Variants in GK observed in about 807,000 individuals in gnomAD.
The protein encoded by GK is ATP:glycerol 3-phosphotransferase.
In GK, 9 loss-of-function variants were observed where a neutral mutation model predicts 56.4. The ratio of observed to expected loss-of-function variants is 0.16; its 90% CI spans 0.10 to 0.28. The LOEUF (loss-of-function observed/expected upper bound fraction) is 0.28. GK is among the 10% of genes least tolerant of loss of function. The pLI is 1.00. For missense variants in GK, 161 were observed against 431.4 expected, an observed-to-expected ratio of 0.37 and a Z score of 5.55; for synonymous variants, 104 against 144.1, an observed-to-expected ratio of 0.72 and a Z score of 1.99.
At chrX:30,672,107 C>T (rs1226613786) in intron 3 of GK, 1 of 87,522 alleles carries the variant, frequency 1.1e-5, no homozygotes, top group African/African-American at 4.8e-5. Context: ...CACGCCGAGC[C>T]GAGATCATGC....
intron 1 of GK, among the ~76,000 whole-genome samples, chrX:30,656,675 G>A (rs938110301): frequency 1.8e-5 from 2 of 109,901 alleles, no homozygotes; most frequent in Non-Finnish European, 3.8e-5. Context: ...TATTATAATC[G>A]TATACCTGCT....
chrX:30,675,516 CTTCT>C (rs1933825320), intron 3 of GK, among the ~76,000 whole-genome samples: 1 of 101,306 alleles, frequency 9.9e-6, no homozygotes, highest in Non-Finnish European at 2.0e-5. Flanking sequence ...GATTTTTATT[CTTCT>C]TTTTTTTTTT....
At chrX:30,666,263 A>T (rs1933073710) in intron 2 of GK, among the ~76,000 whole-genome samples, 1 of 112,155 alleles carries the variant, frequency 8.9e-6, no homozygotes, top group Non-Finnish European at 1.9e-5. Flanking sequence ...CATCAGTAAG[A>T]TGGATAACAA....
At chrX:30,683,704 T>G (rs1934424296) in intron 4 of GK, among the ~76,000 whole-genome samples, 2 of 112,791 alleles carry the variant, frequency 1.8e-5, no homozygotes, top group African/African-American at 6.4e-5. Context: ...ACAAGTTCTA[T>G]GTATTTTTAG....
intron 13 of GK, 99 bp downstream of exon 13, chrX:30,708,233 A>C: frequency 2.0e-6 from 1 of 493,899 alleles, no homozygotes; most frequent in Non-Finnish European, 3.4e-6. Context: ...CTTAATACAG[A>C]GGACTCAAAA....
intron 4 of GK, among the ~76,000 whole-genome samples, chrX:30,685,815 C>G (rs1934571994): frequency 1.8e-5 from 2 of 112,187 alleles, no homozygotes; most frequent in African/African-American, 3.2e-5. Flanking sequence ...CATTCTGTGC[C>G]TGTTACCTTG....
chrX:30,701,428 A>C (rs1194095318), intron 11 of GK, among the ~76,000 whole-genome samples: 2 of 112,475 alleles, frequency 1.8e-5, no homozygotes, highest in East Asian at 5.6e-4. Flanking sequence ...ACAAATAAAC[A>C]AAACCTTAAT....
chrX:30,698,701 C>CA (rs10682299), intron 9 of GK, among the ~76,000 whole-genome samples: 1,474 of 81,192 alleles, frequency 0.018, 43 homozygotes, highest in African/African-American at 0.055. Flanking sequence ...GACTCCGTCT[C>CA]AAAAAAAAAA....
chrX:30,696,794 T>C (rs1845719576), intron 8 of GK, 111 bp downstream of exon 8: 1 of 583,204 alleles, frequency 1.7e-6, no homozygotes, highest in African/African-American at 2.3e-5. Flanking sequence ...TATTCATAAT[T>C]CAAAAGTCAA....
At position 30,730,785 on chromosome X, in the gene GK, C is replaced by G. The variant is rs1017341553; in HGVS notation, c.*2043C>G. On this transcript the variant is annotated 3_prime_UTR_variant, in exon 21 of 21. Coordinates refer to ENST00000427190, the MANE Select transcript of GK (RefSeq NM_001205019.2). ...CCTAACCGACATGGAGAAACCCTAT[C>G]TCTACTAAAAAAAAAAAAAGATGTT... 4.6e-5 allele frequency: 5 copies of G among 108,719 alleles called. No homozygotes were observed. Among genetic ancestry groups the G allele is most frequent in the African/African-American group, 1.7e-4 (5 of 29,787 alleles). 9.0% of individuals were successfully genotyped at this position (108,719 alleles called of 1,213,427 possible).
chrX:30,708,552 G>C (rs1422635797), intron 13 of GK, among the ~76,000 whole-genome samples: 1 of 110,951 alleles, frequency 9.0e-6, no homozygotes, highest in Non-Finnish European at 1.9e-5. Context: ...CTCTTCACTT[G>C]TCTCCTCATA....
intron 4 of GK, among the ~76,000 whole-genome samples, chrX:30,688,943 C>T (rs1416515185): frequency 5.4e-5 from 6 of 112,035 alleles, no homozygotes; most frequent in African/African-American, 1.9e-4. Flanking sequence ...TTGTTCATGC[C>T]CCTTGGTAAG....
At chrX:30,706,951 T>C (rs768984291) in intron 11 of GK, among the ~76,000 whole-genome samples, 1 of 112,300 alleles carries the variant, frequency 8.9e-6, no homozygotes, top group South Asian at 3.7e-4. Flanking sequence ...AACTTAGAAT[T>C]TGTTGTAATT....
chrX:30,667,943 AC>A, intron 2 of GK, 68 bp from the exon 3 acceptor site: 1 of 621,896 alleles, frequency 1.6e-6, no homozygotes, highest in Non-Finnish European at 2.8e-6. Context: ...TCATAAGTTA[AC>A]ATTTCTATAG....
chrX:30,655,145 C>G (rs1932161670), intron 1 of GK, among the ~76,000 whole-genome samples: 1 of 111,582 alleles, frequency 9.0e-6, no homozygotes, highest in African/African-American at 3.2e-5. Flanking sequence ...GTTCCACTGT[C>G]TCTTGCACTG....
intron 14 of GK, 76 bp downstream of exon 14, chrX:30,718,692 A>G: frequency 1.6e-6 from 1 of 615,734 alleles, no homozygotes; most frequent in South Asian, 2.3e-5. Flanking sequence ...CAAAGTAAAT[A>G]CTTATGCTTT....
At chrX:30,654,884 T>A (rs1394762520) in intron 1 of GK, among the ~76,000 whole-genome samples, 1 of 112,496 alleles carries the variant, frequency 8.9e-6, no homozygotes, top group Non-Finnish European at 1.9e-5. Flanking sequence ...TTACCGCAAA[T>A]CATGTTTTCC....
At chrX:30,664,108 G>T (rs1220045981) in intron 1 of GK, among the ~76,000 whole-genome samples, 5 of 40,771 alleles carry the variant, frequency 1.2e-4, no homozygotes, top group Admixed American at 3.1e-4. Context: ...ATATTTTATA[G>T]ATATATATTT....
At chrX:30,676,110 A>C (rs1016469593) in intron 3 of GK, among the ~76,000 whole-genome samples, 1 of 111,098 alleles carries the variant, frequency 9.0e-6, no homozygotes. Context: ...ATTTTTAAAA[A>C]TTTTTTTATA....
Sources: gnomAD v4.1 joint callset for allele counts (sites outside exome capture counted in the v4.1 genomes callset) on GRCh38, gnomAD v4.1.1 for gene constraint, MANE v1.5 for transcripts, NCBI Gene and HGNC (gene_info 2026-07-23, HGNC 2026-07-21) for gene names.